The following APC variants were observed in gnomAD, a reference collection of about 807,000 sequenced individuals.
APC encodes the protein APC regulator of Wnt signaling pathway, also known as adenomatous polyposis coli protein.
APC carries 72 observed loss-of-function variants against 247.0 expected under a neutral mutation model. The observed-to-expected ratio is 0.29, with a 90% CI of 0.24 to 0.35. The LOEUF is 0.35. Among genes scored for constraint, APC ranks in the 10% least tolerant of loss-of-function variants. APC has a pLI of 1.00. For synonymous variants in APC, 1,254 were observed against 1,162.5 expected, an observed-to-expected ratio of 1.08 and a Z score of -1.60; for missense variants, 3,400 against 3,360.7, an observed-to-expected ratio of 1.01 and a Z score of -0.29.
intron 12 of APC, 138 bp from the exon 13 acceptor site, chr5:112,827,791 C>A: frequency 1.4e-6 from 1 of 705,822 alleles, no homozygotes; most frequent in Non-Finnish European, 2.5e-6. Flanking sequence ...TAATCTTATT[C>A]TAGATTTTTT....
intron 1 of APC, among the ~76,000 whole-genome samples, chr5:112,724,337 A>G (rs1360437627): frequency 6.6e-6 from 1 of 152,170 alleles, no homozygotes; most frequent in Non-Finnish European, 1.5e-5. Context: ...GGGAGCATGG[A>G]GAAAAAAGCA....
At chr5:112,763,943 G>A (rs1312138950) in intron 2 of APC, among the ~76,000 whole-genome samples, 1 of 152,070 alleles carries the variant, frequency 6.6e-6, no homozygotes, top group Non-Finnish European at 1.5e-5. Flanking sequence ...ATCTTACAAA[G>A]AGAGACCTGA....
intron 2 of APC, among the ~76,000 whole-genome samples, chr5:112,763,108 T>A (rs989665834): frequency 6.6e-6 from 1 of 152,232 alleles, no homozygotes; most frequent in African/African-American, 2.4e-5. Flanking sequence ...CTTATTTACC[T>A]TTATGCTTAT....
At chr5:112,716,180 T>C (rs1751160353) in intron 1 of APC, among the ~76,000 whole-genome samples, 1 of 152,192 alleles carries the variant, frequency 6.6e-6, no homozygotes, top group East Asian at 1.9e-4. Context: ...CAGCATTTCT[T>C]GTTTTTAAAT....
At chr5:112,825,808 C>A (rs1197736178) in intron 11 of APC, among the ~76,000 whole-genome samples, 2 of 152,224 alleles carry the variant, frequency 1.3e-5, no homozygotes, top group African/African-American at 4.8e-5. Flanking sequence ...GTTAAGTCCA[C>A]CTATTATATC....
At chr5:112,762,289 C>T (rs1755760497) in intron 2 of APC, among the ~76,000 whole-genome samples, 1 of 152,168 alleles carries the variant, frequency 6.6e-6, no homozygotes, top group Non-Finnish European at 1.5e-5. Context: ...ACCATTTTGG[C>T]AGTTTCCTTT....
At chr5:112,815,014 A>C (rs999445931) in intron 8 of APC, among the ~76,000 whole-genome samples, 1 of 152,134 alleles carries the variant, frequency 6.6e-6, no homozygotes, top group Non-Finnish European at 1.5e-5. Flanking sequence ...ATTATACTGC[A>C]CTGCAGTCAT....
chr5:112,829,012 T>C (rs1314494592), intron 14 of APC, 40 bp downstream of exon 14: 6 of 1,467,498 alleles, frequency 4.1e-6, no homozygotes, highest in Middle Eastern at 1.8e-4. Flanking sequence ...ATGAATTTCA[T>C]GTTTGGCTTT....
At chr5:112,712,825 T>C (rs1369276164) in intron 1 of APC, among the ~76,000 whole-genome samples, 7 of 152,206 alleles carry the variant, frequency 4.6e-5, no homozygotes, top group Admixed American at 4.6e-4. Flanking sequence ...CTTGAATATA[T>C]CTTGTTTAGT....
intron 2 of APC, among the ~76,000 whole-genome samples, chr5:112,758,656 C>T (rs565869044): frequency 1.3e-5 from 2 of 150,970 alleles, no homozygotes; most frequent in Admixed American, 6.6e-5. Context: ...GATGGAGTTT[C>T]GTTCTTGTCG....
intron 7 of APC, among the ~76,000 whole-genome samples, chr5:112,797,224 G>A (rs1247041269): frequency 6.6e-6 from 1 of 152,150 alleles, no homozygotes; most frequent in East Asian, 1.9e-4. Flanking sequence ...GCCAAAGGAA[G>A]GTGCCATTTC....
intron 7 of APC, among the ~76,000 whole-genome samples, chr5:112,795,598 G>A (rs934140802): frequency 1.3e-5 from 2 of 152,020 alleles, no homozygotes; most frequent in African/African-American, 4.8e-5. Flanking sequence ...CCTATCACTC[G>A]AGAAATTCCA....
In APC at chr5:112,707,525, G is replaced by C. The variant is rs1750570441; in HGVS notation, c.-193G>C. 1 of 479,264 alleles carries C rather than the reference G, an allele frequency of 2.1e-6. No homozygotes were observed. Among genetic ancestry groups the C allele is most frequent in the South Asian group, 2.0e-5 (1 of 50,734 alleles). The allele number at this position is 479,264 out of a possible 1,614,324, so 29.7% of individuals were successfully genotyped here. On this transcript the variant is annotated 5_prime_UTR_variant, in exon 1 of 14. Coordinates refer to the APC transcript ENST00000507379. ...ATTGTAGTCTTCCCACCTCCCACAAGATGGCGGAGGGCAAGTAGCAAGGGG... is the reference window on the plus strand; with the variant it reads ...ATTGTAGTCTTCCCACCTCCCACAACATGGCGGAGGGCAAGTAGCAAGGGG...
chr5:112,836,292 A>C (rs572580964), intron 15 of APC, among the ~76,000 whole-genome samples: 4 of 151,682 alleles, frequency 2.6e-5, no homozygotes, highest in African/African-American at 9.7e-5. Flanking sequence ...CGGCCTCCCA[A>C]AGTGCTGGGA....
At chr5:112,753,789 A>G (rs1336925182) in intron 1 of APC, among the ~76,000 whole-genome samples, 3 of 152,182 alleles carry the variant, frequency 2.0e-5, no homozygotes, top group Non-Finnish European at 1.5e-5. Flanking sequence ...TATTTTGTGT[A>G]ATGGATTTCA....
At chr5:112,835,226 AT>A in intron 15 of APC, 61 bp downstream of exon 15, 2 of 1,378,674 alleles carry the variant, frequency 1.5e-6, no homozygotes, top group Non-Finnish European at 2.0e-6. Flanking sequence ...AAAAGACCTA[AT>A]TGTAAGCAAT....
chr5:112,766,601 G>A (rs1756364816), intron 3 of APC, among the ~76,000 whole-genome samples, 191 bp downstream of exon 3: 1 of 152,102 alleles, frequency 6.6e-6, no homozygotes, highest in African/African-American at 2.4e-5. Flanking sequence ...CATTTCTTCA[G>A]TTAAACATTT....
chr5:112,742,656 T>C (rs1358658354), intron 1 of APC, among the ~76,000 whole-genome samples: 1 of 152,210 alleles, frequency 6.6e-6, no homozygotes, highest in African/African-American at 2.4e-5. Context: ...AATGTCTTCA[T>C]GACATAGCAG....
At chr5:112,804,928 C>T (rs1046014401) in intron 8 of APC, among the ~76,000 whole-genome samples, 2 of 151,684 alleles carry the variant, frequency 1.3e-5, no homozygotes, top group Admixed American at 6.6e-5. Context: ...CTGCAGTGGG[C>T]TATGATCATG....
Sources: allele counts gnomAD v4.1 joint callset (sites outside exome capture counted in the v4.1 genomes callset), GRCh38; gene constraint gnomAD v4.1.1; transcripts MANE v1.5; gene names NCBI Gene and HGNC (gene_info 2026-07-23, HGNC 2026-07-21).